The following MEGF10 variants were observed in gnomAD, a reference collection of about 807,000 sequenced individuals.
MEGF10 encodes multiple EGF like domains 10.
MEGF10 carries 86 observed loss-of-function variants against 147.5 expected under a neutral mutation model. That is an observed-to-expected ratio of 0.58 (90% confidence interval 0.49 to 0.70). The LOEUF (loss-of-function observed/expected upper bound fraction) is 0.70. Ranked by LOEUF, MEGF10 falls within the 30% of genes least tolerant of loss-of-function variation. The probability of loss-of-function intolerance (pLI) is 0.00; values close to 1 mark genes in which losing one functional copy is unlikely to be tolerated. For synonymous variants in MEGF10, 478 were observed against 525.5 expected, an observed-to-expected ratio of 0.91 and a Z score of 1.24; for missense variants, 1,329 against 1,487.3, an observed-to-expected ratio of 0.89 and a Z score of 1.75.
At chr5:127,439,312 C>G (rs1164849946) in intron 17 of MEGF10, among the ~76,000 whole-genome samples, 1 of 152,086 alleles carries the variant, frequency 6.6e-6, no homozygotes, top group African/African-American at 2.4e-5. Context: ...ATAAAGGAGA[C>G]AAGAAAGGAA....
At chr5:127,297,018 G>A (rs1759533514) in intron 1 of MEGF10, among the ~76,000 whole-genome samples, 1 of 152,150 alleles carries the variant, frequency 6.6e-6, no homozygotes, top group Non-Finnish European at 1.5e-5. Context: ...CCAGGCTGGA[G>A]TGCAATGGCG....
chr5:127,349,662 G>A (rs1257281679), intron 4 of MEGF10, among the ~76,000 whole-genome samples: 1 of 150,808 alleles, frequency 6.6e-6, no homozygotes, highest in Non-Finnish European at 1.5e-5. Flanking sequence ...CCATATCGTA[G>A]CAGCATGGGA....
At chr5:127,420,353 T>TCTTC in intron 12 of MEGF10, 146 bp downstream of exon 12, 2 of 866,932 alleles carry the variant, frequency 2.3e-6, no homozygotes, top group Non-Finnish European at 3.4e-6. Flanking sequence ...GTATTTGGAT[T>TCTTC]CAAATTGGAC....
intron 9 of MEGF10, among the ~76,000 whole-genome samples, chr5:127,415,218 G>A (rs1391409098): frequency 1.3e-5 from 2 of 152,172 alleles, no homozygotes; most frequent in Non-Finnish European, 2.9e-5. Context: ...TAGGGTGATT[G>A]TATATCAGGT....
rs533239499 is a variant in MEGF10, at chr5:127,302,507, G to A, written c.-19+11451G>A. Reference sequence around the variant, plus strand: ...TTAGGAGTGACTGTTTGATGGGCATGGCTTTTTCTTTTAGGACAATGGAAA... The same window carrying A: ...TTAGGAGTGACTGTTTGATGGGCATAGCTTTTTCTTTTAGGACAATGGAAA... On this transcript the variant is annotated intron_variant, in intron 1 of 24. Coordinates refer to ENST00000503335, the MANE Select transcript of MEGF10 (RefSeq NM_001256545.2). Among the ~76,000 whole-genome samples the A allele has an allele frequency of 7.2e-5, 11 of 152,266 alleles. No homozygotes were observed. In the South Asian group the frequency reaches 2.3e-3, roughly 32 times the overall value.
intron 1 of MEGF10, among the ~76,000 whole-genome samples, chr5:127,305,766 A>G (rs1279434108): frequency 6.6e-6 from 1 of 152,190 alleles, no homozygotes; most frequent in African/African-American, 2.4e-5. Context: ...AGAGTGCCTC[A>G]CTAAAGTCCA....
chr5:127,453,837 A>G (rs1053825482), intron 22 of MEGF10, among the ~76,000 whole-genome samples: 1 of 152,192 alleles, frequency 6.6e-6, no homozygotes, highest in Non-Finnish European at 1.5e-5. Flanking sequence ...CTTATATTTT[A>G]TACAACATGC....
intron 20 of MEGF10, 96 bp from the exon 21 acceptor site, chr5:127,447,461 G>T: frequency 6.5e-7 from 1 of 1,544,976 alleles, no homozygotes; most frequent in East Asian, 2.3e-5. Context: ...ACAGGCGTGA[G>T]CCACCTCGCT....
intron 1 of MEGF10, among the ~76,000 whole-genome samples, chr5:127,294,185 T>C (rs1161916448): frequency 6.6e-6 from 1 of 152,244 alleles, no homozygotes; most frequent in Non-Finnish European, 1.5e-5. Flanking sequence ...CTTAGCGATA[T>C]CTCATGCGAG....
chr5:127,375,213 A>G (rs1003935910), intron 5 of MEGF10, among the ~76,000 whole-genome samples: 14 of 116,620 alleles, frequency 1.2e-4, no homozygotes, highest in African/African-American at 4.5e-4. Flanking sequence ...TAACTGTCCT[A>G]CATAGCTGTC....
chr5:127,345,986 C>T (rs929274035), intron 4 of MEGF10, among the ~76,000 whole-genome samples: 1 of 152,100 alleles, frequency 6.6e-6, no homozygotes, highest in South Asian at 2.1e-4. Flanking sequence ...CTTAGAATAA[C>T]GGTTCCCAAT....
chr5:127,379,682 C>A (rs1344326220), intron 5 of MEGF10, among the ~76,000 whole-genome samples: 1 of 150,906 alleles, frequency 6.6e-6, no homozygotes, highest in East Asian at 2.0e-4. Flanking sequence ...CCACTGCAAC[C>A]CGTGCCTCCC....
At position 127,296,749 on chromosome 5, in the gene MEGF10, T is replaced by G. The variant is rs10053421; in HGVS notation, c.-19+5693T>G. 7.6e-3 allele frequency among the ~76,000 whole-genome samples: 1,156 copies of G among 152,298 alleles called. 6 individuals are homozygous for G. The highest frequency in any genetic ancestry group is 0.015 in the Admixed American group (226 of 15,302). ...ACTAAAACACACAAATTTAACTTGT[T>G]CCTCACAGAGTGAAATAGAACTATG... On this transcript the variant is annotated intron_variant, in intron 1 of 24. Coordinates refer to ENST00000503335, the MANE Select transcript of MEGF10 (RefSeq NM_001256545.2).
In MEGF10 at chr5:127,410,487, G is replaced by A; in HGVS notation, c.1016G>A (p.Cys339Tyr). 6.2e-7 allele frequency: 1 copy of A among 1,614,172 alleles called. No individual in the cohort carries two copies. The highest frequency in any genetic ancestry group is 2.2e-5 in the East Asian group (1 of 44,894). ...AAGTGTTACCACGTGAGCGGCGCAT[G>A]CCTCTGTGAAGCAGGCTTTGCTGGC... is the stretch of plus-strand genomic sequence containing the variant. ...GGKCYHVSGA[C>Y]LCEAGFAGER... The change falls in exon 9 of 25, where the codon TGC (cysteine) becomes TAC (tyrosine). Residue 339 changes from cysteine to tyrosine, a missense_variant. Physicochemically the swap from Cys to Tyr is radical, Grantham distance 194 (BLOSUM62 -2). Around this residue, in one of 3 missense-constraint regions of MEGF10, gnomAD observed 980 missense variants for 1,085.9 expected, o/e 0.90. Coordinates refer to ENST00000503335, the MANE Select transcript of MEGF10 (RefSeq NM_001256545.2).
chr5:127,442,887 A>G (rs906716944), intron 18 of MEGF10, 111 bp from the exon 19 acceptor site: 6 of 1,168,632 alleles, frequency 5.1e-6, no homozygotes, highest in East Asian at 5.0e-5. Flanking sequence ...GTCAGCCTCA[A>G]TAGGAATCCC....
At chr5:127,456,592 T>C (rs1217026624) in intron 24 of MEGF10, among the ~76,000 whole-genome samples, 1 of 152,212 alleles carries the variant, frequency 6.6e-6, no homozygotes. Context: ...ATTTTTAAAG[T>C]ATTAAGACAG....
chr5:127,261,102 A>G, the MEGF10 span, among the ~76,000 whole-genome samples: 1 of 152,210 alleles, frequency 6.6e-6, no homozygotes. Flanking sequence ...GATATAGTTT[A>G]TATAACATAC....
intron 4 of MEGF10, among the ~76,000 whole-genome samples, chr5:127,352,730 G>C (rs1762128799): frequency 6.6e-6 from 1 of 152,176 alleles, no homozygotes; most frequent in Non-Finnish European, 1.5e-5. Context: ...GCCAGGACCA[G>C]GGTGGGAGAT....
In MEGF10 at chr5:127,367,147, C is replaced by A. The variant is rs77282755; in HGVS notation, c.320-2763C>A. On this transcript the variant is annotated intron_variant, in intron 4 of 24. Coordinates refer to ENST00000503335, the MANE Select transcript of MEGF10 (RefSeq NM_001256545.2). ...ATTAAAACCAAAGTTTAATCTCCAG[C>A]TTCTATGGTGTATATCAAATAAGTA... 2.5e-3 allele frequency among the ~76,000 whole-genome samples: 374 copies of A among 152,144 alleles called. 1 individual carries two copies. The highest frequency in any genetic ancestry group is 8.4e-3 in the African/African-American group (347 of 41,506).
Sources: allele counts gnomAD v4.1 joint callset (sites outside exome capture counted in the v4.1 genomes callset), GRCh38; gene constraint gnomAD v4.1.1; regional missense constraint gnomAD v4.1.1; transcripts MANE v1.5; gene names NCBI Gene and HGNC (gene_info 2026-07-23, HGNC 2026-07-21).